Variants in LRRTM4 observed in about 807,000 individuals in gnomAD.
LRRTM4 encodes leucine-rich repeat transmembrane neuronal protein 4.
In LRRTM4, 25 loss-of-function variants were observed where a neutral mutation model predicts 47.6. The observed-to-expected ratio is 0.53, with a 90% CI of 0.38 to 0.73. LRRTM4 has a LOEUF of 0.73. LRRTM4 is among the 30% of genes least tolerant of loss of function. LRRTM4 has a pLI of 0.00. For missense variants in LRRTM4, 638 were observed against 713.4 expected, an observed-to-expected ratio of 0.89 and a Z score of 1.20; for synonymous variants, 311 against 269.5, an observed-to-expected ratio of 1.15 and a Z score of -1.51.
intron 3 of LRRTM4, among the ~76,000 whole-genome samples, chr2:77,029,070 T>TA (rs1490043362): frequency 2.9e-5 from 4 of 138,500 alleles, no homozygotes; most frequent in African/African-American, 1.0e-4. Flanking sequence ...TATATATATA[T>TA]AATATATATA....
chr2:76,975,693 C>CA (rs1676395430), intron 3 of LRRTM4, among the ~76,000 whole-genome samples: 2 of 151,574 alleles, frequency 1.3e-5, no homozygotes, highest in South Asian at 4.1e-4. Flanking sequence ...ATTGAGGAGA[C>CA]AAAAAATATT....
At position 77,055,916 on chromosome 2, in the gene LRRTM4, C is replaced by A. The variant is rs1573509076; in HGVS notation, c.1552-307000G>T. 2.0e-5 allele frequency among the ~76,000 whole-genome samples: 3 copies of A among 151,102 alleles called. No individual in the cohort carries two copies. In the South Asian group the frequency reaches 6.3e-4, roughly 32 times the overall value. On this transcript the variant is annotated intron_variant, in intron 3 of 3. Coordinates refer to ENST00000409884, the MANE Select transcript of LRRTM4 (RefSeq NM_001134745.3). Reference sequence around the variant, plus strand: ...GGACATGGATGAAATTGGAAATTATCATTCTCAGTAAACTATTGCAAGAAC... The same window carrying A: ...GGACATGGATGAAATTGGAAATTATAATTCTCAGTAAACTATTGCAAGAAC...
intron 3 of LRRTM4, among the ~76,000 whole-genome samples, chr2:77,139,998 T>C (rs1042052873): frequency 6.6e-6 from 1 of 152,164 alleles, no homozygotes; most frequent in Non-Finnish European, 1.5e-5. Flanking sequence ...TCGAAGAACA[T>C]TCCATGATTT....
At chr2:76,802,794 C>G (rs555640724) in intron 3 of LRRTM4, among the ~76,000 whole-genome samples, 2 of 152,024 alleles carry the variant, frequency 1.3e-5, no homozygotes, top group African/African-American at 4.8e-5. Flanking sequence ...AGAAATACAT[C>G]CACATATTTA....
chr2:77,155,331 G>A (rs1359045982), intron 3 of LRRTM4, among the ~76,000 whole-genome samples: 1 of 151,340 alleles, frequency 6.6e-6, no homozygotes, highest in Non-Finnish European at 1.5e-5. Context: ...ATAGTCATTG[G>A]ATTATAAAGA....
rs377195185 is a variant in LRRTM4 at position 77,393,506 on chromosome 2, A to C, written c.1551+124812T>G. The stretch of plus-strand genomic sequence containing the variant: ...TCATTGCGGGAGTTTAATTTTCACC[A>C]AACTAGAGAAGAAGGCTGACATAGA... On this transcript the variant is annotated intron_variant, in intron 3 of 3. Coordinates refer to ENST00000409884, the MANE Select transcript of LRRTM4 (RefSeq NM_001134745.3). Among the ~76,000 whole-genome samples the C allele has an allele frequency of 6.6e-5, 10 of 152,154 alleles. 1 individual carries two copies. The South Asian group carries it at 2.1e-3, about 32-fold the overall frequency.
chr2:77,307,249 T>A (rs897971036), intron 3 of LRRTM4, among the ~76,000 whole-genome samples: 3 of 151,866 alleles, frequency 2.0e-5, no homozygotes, highest in Admixed American at 6.6e-5. Context: ...TAGAGTAAAA[T>A]ATAAATAAAT....
At chr2:76,766,856 C>T (rs987248236) in intron 3 of LRRTM4, among the ~76,000 whole-genome samples, 2 of 152,078 alleles carry the variant, frequency 1.3e-5, no homozygotes, top group Non-Finnish European at 1.5e-5. Context: ...GTGCAGAATA[C>T]CCTGTTACCC....
intron 3 of LRRTM4, among the ~76,000 whole-genome samples, chr2:76,780,217 G>A (rs1026518068): frequency 6.6e-6 from 1 of 152,064 alleles, no homozygotes; most frequent in Non-Finnish European, 1.5e-5. Flanking sequence ...TTTCAACTTT[G>A]GTGAATCTGA....
intron 3 of LRRTM4, among the ~76,000 whole-genome samples, chr2:77,003,128 C>G (rs971045766): frequency 6.6e-6 from 1 of 151,764 alleles, no homozygotes; most frequent in African/African-American, 2.4e-5. Flanking sequence ...TGGAATTTCT[C>G]TTCTCTGAAA....
At position 77,340,043 on chromosome 2, in the gene LRRTM4, A is replaced by G. The variant is rs17014003; in HGVS notation, c.1551+178275T>C. Among the ~76,000 whole-genome samples the G allele has an allele frequency of 9.7e-3, 1,482 of 152,062 alleles. 33 individuals carry two copies. Among genetic ancestry groups the G allele is most frequent in the East Asian group, 0.066 (343 of 5,178 alleles). ...TAGGATAAAACAGATGCCATGAAAAACGTGATGTACATTATACTGGTAGAT... is the reference window on the plus strand; with the variant it reads ...TAGGATAAAACAGATGCCATGAAAAGCGTGATGTACATTATACTGGTAGAT... On this transcript the variant is annotated intron_variant, in intron 3 of 3. Transcript: ENST00000409884.
intron 3 of LRRTM4, among the ~76,000 whole-genome samples, chr2:77,424,997 C>T (rs539873159): frequency 2.6e-5 from 4 of 151,990 alleles, no homozygotes; most frequent in Admixed American, 6.6e-5. Flanking sequence ...TGAATCACAG[C>T]GGCAGACTCT....
chr2:76,924,734 C>A (rs1674535012), intron 3 of LRRTM4, among the ~76,000 whole-genome samples: 1 of 151,996 alleles, frequency 6.6e-6, no homozygotes, highest in South Asian at 2.1e-4. Flanking sequence ...CCCAGCTGAA[C>A]TGAGCCACCA....
At chr2:77,353,955 G>A (rs1671878789) in intron 3 of LRRTM4, among the ~76,000 whole-genome samples, 1 of 152,184 alleles carries the variant, frequency 6.6e-6, no homozygotes, top group Non-Finnish European at 1.5e-5. Flanking sequence ...TGCATCTGTA[G>A]AGCAGGGCTA....
At chr2:76,924,037 T>C (rs1043231352) in intron 3 of LRRTM4, among the ~76,000 whole-genome samples, 3 of 152,078 alleles carry the variant, frequency 2.0e-5, no homozygotes, top group African/African-American at 4.8e-5. Context: ...GAAGCTCTAT[T>C]GGGAATATGT....
intron 3 of LRRTM4, among the ~76,000 whole-genome samples, chr2:76,860,813 G>C (rs1672291301): frequency 6.6e-6 from 1 of 151,870 alleles, no homozygotes; most frequent in Admixed American, 6.6e-5. Context: ...AAGAGAACTA[G>C]AGAACAGAAG....
At chr2:77,222,175 C>T (rs1674655926) in intron 3 of LRRTM4, among the ~76,000 whole-genome samples, 1 of 152,136 alleles carries the variant, frequency 6.6e-6, no homozygotes, top group Non-Finnish European at 1.5e-5. Context: ...AAAGACATAA[C>T]ATACCAGAAT....
chr2:77,238,075 A>G (rs956011003), intron 3 of LRRTM4, among the ~76,000 whole-genome samples: 6 of 152,164 alleles, frequency 3.9e-5, no homozygotes, highest in African/African-American at 1.4e-4. Flanking sequence ...TCTAATAAAC[A>G]TGATAACCAT....
chr2:77,182,914 A>G (rs1020795425), intron 3 of LRRTM4, among the ~76,000 whole-genome samples: 2 of 152,130 alleles, frequency 1.3e-5, no homozygotes, highest in African/African-American at 4.8e-5. Context: ...CCTTCCTTAC[A>G]CCTTATACAA....
Sources: gnomAD v4.1 joint callset for allele counts (sites outside exome capture counted in the v4.1 genomes callset) on GRCh38, gnomAD v4.1.1 for gene constraint, MANE v1.5 for transcripts, NCBI Gene and HGNC (gene_info 2026-07-23, HGNC 2026-07-21) for gene names.